The following NDUFAB1 variants were observed in gnomAD, a reference collection of about 807,000 sequenced individuals.
The protein encoded by NDUFAB1 is NADH:ubiquinone oxidoreductase subunit AB1.
NDUFAB1 carries 5 observed loss-of-function variants against 16.1 expected under a neutral mutation model. That is an observed-to-expected ratio of 0.31 (90% confidence interval 0.16 to 0.65). NDUFAB1 has a LOEUF of 0.65. Among genes scored for constraint, NDUFAB1 ranks in the 30% least tolerant of loss-of-function variants. The pLI is 0.77. For missense variants in NDUFAB1, 187 were observed against 205.3 expected, an observed-to-expected ratio of 0.91 and a Z score of 0.54; for synonymous variants, 85 against 78.4, an observed-to-expected ratio of 1.08 and a Z score of -0.44.
At position 23,596,027 on chromosome 16, in the gene NDUFAB1, T is replaced by A. The variant is rs1477843223; in HGVS notation, c.168+96A>T. ...AGCCGGCTGCCCCCCGGGTCACCCC[T>A]GCCTGCAGCTGGCGCGCCCCGGATG... On this transcript the variant is annotated intron_variant, in intron 1 of 4. Transcript: ENST00000007516. The A allele has an allele frequency of 5.6e-6, 8 of 1,436,898 alleles. No homozygotes were observed. In the African/African-American group the frequency reaches 1.0e-4, roughly 19 times the overall value. The allele number at this position is 1,436,898 out of a possible 1,614,324, so 89.0% of individuals were successfully genotyped here.
At chr16:23,595,394 G>A (rs1205788096) in intron 1 of NDUFAB1, 1 of 364,186 alleles carries the variant, frequency 2.7e-6, no homozygotes, top group Non-Finnish European at 5.4e-6. Context: ...TTGGTTCCAG[G>A]ACCCCCGACT....
rs1966270093 is a variant in NDUFAB1 at position 23,590,484 on chromosome 16, A to T, written c.169-3165T>A. ...TCAGTGAGATGAAGTAAAGGCTTGG[A>T]CATTGGCTGGCACTTAACACAGTAA... is the stretch of plus-strand genomic sequence containing the variant. On this transcript the variant is annotated intron_variant, in intron 1 of 4. Coordinates refer to ENST00000007516, the MANE Select transcript of NDUFAB1 (RefSeq NM_005003.3). 2.0e-5 allele frequency among the ~76,000 whole-genome samples: 3 copies of T among 152,148 alleles called. No individual in the cohort carries two copies. In the South Asian group the frequency reaches 6.2e-4, roughly 32 times the overall value.
At chr16:23,582,118 G>T in intron 4 of NDUFAB1, 158 bp downstream of exon 4, 1 of 804,272 alleles carries the variant, frequency 1.2e-6, no homozygotes, top group Non-Finnish European at 1.8e-6. Flanking sequence ...ACCAGGGCTG[G>T]GCCCCTTTGA....
At chr16:23,581,722 A>G (rs1280933691) in intron 4 of NDUFAB1, 2 of 152,262 alleles carry the variant, frequency 1.3e-5, no homozygotes, top group Admixed American at 6.5e-5. Context: ...ACTCTCTTCA[A>G]TTTTGCTTTC....
At position 23,586,000 on chromosome 16, in the gene NDUFAB1, T is replaced by A. The variant is rs537786681; in HGVS notation, c.292-577A>T. On this transcript the variant is annotated intron_variant, in intron 2 of 4. Transcript: ENST00000007516. ...TGGAGTGCAATGGCACGATCTCGGC[T>A]CACTGCAAACTCGGCCTCCCGGGTT... Among the ~76,000 whole-genome samples the A allele has an allele frequency of 2.6e-5, 4 of 152,330 alleles. No homozygotes were observed. The South Asian group carries it at 8.3e-4, about 32-fold the overall frequency.
chr16:23,581,546 T>TTA (rs1966179811), intron 4 of NDUFAB1, among the ~76,000 whole-genome samples: 1 of 123,008 alleles, frequency 8.1e-6, no homozygotes. Context: ...GTTCCATCTT[T>TTA]AAAAAAAAAA....
rs1291621048 is a variant in NDUFAB1 at position 23,583,622 on chromosome 16, G to A, written c.380-1247C>T. On this transcript the variant is annotated intron_variant, in intron 3 of 4. Transcript: ENST00000007516. ...TGAGGAGCCCCTCCGCCCGGCAGCC[G>A]CCCCGTCTGAGAAGTGAGGAGCCCC... 4.3e-5 allele frequency among the ~76,000 whole-genome samples: 5 copies of A among 116,182 alleles called. No homozygotes were observed. The East Asian group carries it at 9.4e-4, about 22-fold the overall frequency. 76.2% of individuals were successfully genotyped at this position (116,182 alleles called of 152,430 possible). A position where few individuals can be genotyped will look rare whatever the true frequency, so the allele number is the denominator to read the frequency against.
Position 23,584,464 on chromosome 16 carries a change from A to G in NDUFAB1, c.379+872T>C, listed in dbSNP as rs7205569. On this transcript the variant is annotated intron_variant, in intron 3 of 4. Transcript: ENST00000007516. Reference sequence around the variant, plus strand: ...TCGTGTGCTGTAACACACGTCACCCATGCATTTTTTTTTTTATGATGGTTG... The same window carrying G: ...TCGTGTGCTGTAACACACGTCACCCGTGCATTTTTTTTTTTATGATGGTTG... Among the ~76,000 whole-genome samples the G allele has an allele frequency of 7.3e-3, 1,106 of 150,794 alleles. 10 individuals are homozygous for G. Among genetic ancestry groups the G allele is most frequent in the African/African-American group, 0.026 (1,054 of 41,082 alleles).
intron 2 of NDUFAB1, 141 bp downstream of exon 2, chr16:23,587,056 T>C (rs1380403986): frequency 1.4e-6 from 1 of 718,178 alleles, no homozygotes; most frequent in African/African-American, 1.8e-5. Context: ...ATGAAACTGG[T>C]AGCGCTGGCT....
chr16:23,586,970 G>A (rs1966238905), intron 2 of NDUFAB1, among the ~76,000 whole-genome samples: 1 of 152,198 alleles, frequency 6.6e-6, no homozygotes, highest in African/African-American at 2.4e-5. Flanking sequence ...TAAAAAGGGT[G>A]AGAGATACAT....
intron 4 of NDUFAB1, chr16:23,582,070 A>T (rs1158986366): frequency 2.2e-6 from 1 of 451,620 alleles, no homozygotes; most frequent in Non-Finnish European, 3.7e-6. Flanking sequence ...AGGGAGTTCT[A>T]TCCAGGAATG....
intron 4 of NDUFAB1, 98 bp from the exon 5 acceptor site, chr16:23,581,271 T>C (rs1342892018): frequency 6.6e-6 from 1 of 152,180 alleles, no homozygotes; most frequent in Non-Finnish European, 1.5e-5. Flanking sequence ...TCTGGCTGAG[T>C]GCAGTGGCTC....
intron 1 of NDUFAB1, among the ~76,000 whole-genome samples, chr16:23,593,887 T>TTG (rs1966300059): frequency 1.3e-5 from 2 of 149,118 alleles, no homozygotes; most frequent in Admixed American, 6.7e-5. Flanking sequence ...TTTATTTATT[T>TTG]ATTTATTTAT....
intron 3 of NDUFAB1, among the ~76,000 whole-genome samples, chr16:23,585,111 G>A (rs934683934): frequency 5.9e-5 from 9 of 152,170 alleles, no homozygotes; most frequent in Admixed American, 5.9e-4. Flanking sequence ...CACCACACTG[G>A]GCACTCTGCT....
rs1403329104 is a variant in NDUFAB1 at position 23,584,231 on chromosome 16, G to A, written c.379+1105C>T. Among the ~76,000 whole-genome samples, 3 of 43,204 alleles carry A rather than the reference G, an allele frequency of 6.9e-5. No individual in the cohort carries two copies. The Admixed American group carries it at 7.9e-4, about 11-fold the overall frequency. The allele number at this position is 43,204 out of a possible 152,430, so 28.3% of individuals were successfully genotyped here. On this transcript the variant is annotated intron_variant, in intron 3 of 4. Transcript: ENST00000007516. ...ATGACCCTGCCAAATCCCCCTCTGC[G>A]AGAAACACCCAAGAATGATCAATTA...
At chr16:23,585,553 G>A in intron 2 of NDUFAB1, 130 bp from the exon 3 acceptor site, 1 of 650,346 alleles carries the variant, frequency 1.5e-6, no homozygotes, top group Admixed American at 2.5e-5. Flanking sequence ...GGGTACATGT[G>A]CACAACGTGC....
At chr16:23,584,315 A>T (rs1284639415) in intron 3 of NDUFAB1, among the ~76,000 whole-genome samples, 1 of 144,166 alleles carries the variant, frequency 6.9e-6, no homozygotes, top group Non-Finnish European at 1.5e-5. Context: ...CATCCTCCCT[A>T]GCTCTGGCAA....
chr16:23,585,731 A>C (rs1966227034), intron 2 of NDUFAB1, among the ~76,000 whole-genome samples: 1 of 152,040 alleles, frequency 6.6e-6, no homozygotes, highest in Non-Finnish European at 1.5e-5. Flanking sequence ...CTCATTGTTC[A>C]GTTCCCACCT....
rs200429706 is a variant in NDUFAB1, at chr16:23,583,051, G to A, written c.380-676C>T. On this transcript the variant is annotated intron_variant, in intron 3 of 4. Transcript: ENST00000007516. The stretch of plus-strand genomic sequence containing the variant: ...CTGGGCTGGTCTCCAGCTCCTAACC[G>A]CGAGTGATCTGCCAGCCTCGGCCTC... 2.7e-3 allele frequency among the ~76,000 whole-genome samples: 419 copies of A among 152,370 alleles called. 2 individuals are homozygous for A. The highest frequency in any genetic ancestry group is 4.0e-3 in the Non-Finnish European group (271 of 68,040).
Sources: allele counts gnomAD v4.1 joint callset (sites outside exome capture counted in the v4.1 genomes callset), GRCh38; gene constraint gnomAD v4.1.1; transcripts MANE v1.5; gene names NCBI Gene and HGNC (gene_info 2026-07-23, HGNC 2026-07-21).